The following CELF4 variants were observed in gnomAD, a reference collection of about 807,000 sequenced individuals.
CELF4 encodes the protein CUGBP Elav-like family member 4, also known as CUG-BP- and ETR-3-like factor 4.
A neutral mutation model predicts 59.9 loss-of-function variants in CELF4; 18 were observed. That is an observed-to-expected ratio of 0.30 (90% CI 0.21 to 0.45). The LOEUF (loss-of-function observed/expected upper bound fraction) is 0.45. CELF4 is among the 20% of genes least tolerant of loss of function. The pLI is 1.00. For missense variants in CELF4, 456 were observed against 689.0 expected, an observed-to-expected ratio of 0.66 and a Z score of 3.79; for synonymous variants, 261 against 267.1, an observed-to-expected ratio of 0.98 and a Z score of 0.22.
At chr18:37,468,442 G>T (rs2099813909) in intron 2 of CELF4, among the ~76,000 whole-genome samples, 1 of 152,102 alleles carries the variant, frequency 6.6e-6, no homozygotes, top group Admixed American at 6.5e-5. Context: ...AGGCTCTCAG[G>T]ACATCTGTGT....
At chr18:37,293,392 C>A (rs1278269472) in intron 3 of CELF4, among the ~76,000 whole-genome samples, 1 of 152,194 alleles carries the variant, frequency 6.6e-6, no homozygotes, top group East Asian at 1.9e-4. Flanking sequence ...GTCTCTGATT[C>A]TATCCCTACG....
chr18:37,424,673 G>A (rs890205120), intron 2 of CELF4, among the ~76,000 whole-genome samples: 2 of 152,134 alleles, frequency 1.3e-5, no homozygotes, highest in Non-Finnish European at 2.9e-5. Context: ...ATCAGAGGCC[G>A]AGGGAGCACC....
intron 3 of CELF4, among the ~76,000 whole-genome samples, chr18:37,287,752 A>T (rs2094940559): frequency 6.6e-6 from 1 of 152,222 alleles, no homozygotes; most frequent in South Asian, 2.1e-4. Context: ...ATGACTGATA[A>T]TGGACTGCAG....
At chr18:37,328,245 C>G (rs654976) in intron 2 of CELF4, among the ~76,000 whole-genome samples, 102,831 of 151,950 alleles carry the variant, frequency 0.68, 35,085 homozygotes, top group African/African-American at 0.75. Flanking sequence ...GGGGGATTCG[C>G]ATTGAACGAG....
intron 1 of CELF4, 58 bp from the exon 2 acceptor site, chr18:37,485,665 G>T: frequency 8.6e-7 from 1 of 1,159,446 alleles, no homozygotes; most frequent in Non-Finnish European, 1.1e-6. Context: ...GCCCGCCGAC[G>T]CGCCCTGCCG....
chr18:37,358,319 T>C lies in CELF4; in HGVS notation c.370-36438A>G, dbSNP rs115916259. On this transcript the variant is annotated intron_variant, in intron 2 of 12. Transcript: ENST00000420428. Reference sequence around the variant, plus strand: ...AAACGGGAGTTTTTCTGCACAGCTCTCTCTTTGCCTGCTGCCATCCGCAAA... The same window carrying C: ...AAACGGGAGTTTTTCTGCACAGCTCCCTCTTTGCCTGCTGCCATCCGCAAA... 3.5e-3 allele frequency among the ~76,000 whole-genome samples: 531 copies of C among 152,310 alleles called. 2 individuals carry two copies. Among genetic ancestry groups the C allele is most frequent in the African/African-American group, 0.012 (498 of 41,566 alleles).
rs117755044 is a variant in CELF4, at chr18:37,377,582, C to T, written c.370-55701G>A. ...AGAAATGAGAGGGAAGCTGGGAACA[C>T]GGTGATGAGAGAACATGGAGAACAT... On this transcript the variant is annotated intron_variant, in intron 2 of 12. Transcript: ENST00000420428. Among the ~76,000 whole-genome samples the T allele has an allele frequency of 2.8e-4, 43 of 152,264 alleles. 1 individual carries two copies. In the East Asian group the frequency reaches 7.9e-3, roughly 28 times the overall value.
chr18:37,479,418 C>T (rs112709304), intron 2 of CELF4, among the ~76,000 whole-genome samples: 221 of 152,314 alleles, frequency 1.5e-3, no homozygotes, highest in African/African-American at 5.0e-3. Flanking sequence ...TGCTGTGGGA[C>T]TGTCCTGTAC....
chr18:37,249,160 C>T (rs912064124), intron 12 of CELF4, among the ~76,000 whole-genome samples: 21 of 152,240 alleles, frequency 1.4e-4, no homozygotes, highest in African/African-American at 4.1e-4. Context: ...GATCAGGGAC[C>T]GTCCCATGCC....
At chr18:37,328,202 G>A (rs1326873922) in intron 2 of CELF4, among the ~76,000 whole-genome samples, 1 of 152,240 alleles carries the variant, frequency 6.6e-6, no homozygotes, top group South Asian at 2.1e-4. Context: ...TGACATCACA[G>A]ACATCCTAAA....
chr18:37,415,966 C>T (rs772946226), intron 2 of CELF4, among the ~76,000 whole-genome samples: 23 of 152,146 alleles, frequency 1.5e-4, no homozygotes, highest in Non-Finnish European at 7.3e-5. Context: ...AATGTTGGGC[C>T]CAGGGTGGGG....
At chr18:37,540,063 T>C (rs1477864724) in intron 1 of CELF4, among the ~76,000 whole-genome samples, 1 of 152,236 alleles carries the variant, frequency 6.6e-6, no homozygotes, top group Admixed American at 6.5e-5. Context: ...CATTATTCTT[T>C]ACCAGGGCAG....
chr18:37,247,559 A>G lies in CELF4; in HGVS notation c.*45-2362T>C, dbSNP rs1005158074. 2.6e-5 allele frequency: 4 copies of G among 152,268 alleles called. No homozygotes were observed. The South Asian group carries it at 6.2e-4, about 24-fold the overall frequency. The allele number at this position is 152,268 out of a possible 1,614,324, so 9.4% of individuals were successfully genotyped here. On this transcript the variant is annotated intron_variant, in intron 12 of 12. Coordinates refer to ENST00000420428, the MANE Select transcript of CELF4 (RefSeq NM_020180.4). ...CTGATGAGAGAACAGCAGTCAAATC[A>G]TAAGAGAACTGAAAAGAACTCAAAG...
chr18:37,459,240 C>T (rs1417383090), intron 2 of CELF4, among the ~76,000 whole-genome samples: 5 of 152,050 alleles, frequency 3.3e-5, no homozygotes, highest in Non-Finnish European at 1.5e-5. Flanking sequence ...AGTTCATGCT[C>T]CACATCATTC....
intron 1 of CELF4, among the ~76,000 whole-genome samples, chr18:37,558,612 A>G (rs2099985608): frequency 6.6e-6 from 1 of 151,134 alleles, no homozygotes; most frequent in South Asian, 2.1e-4. Flanking sequence ...GTAGGACTGG[A>G]TGCTTTCTGC....
At chr18:37,493,170 G>C (rs2154603551) in intron 1 of CELF4, among the ~76,000 whole-genome samples, 2 of 152,268 alleles carry the variant, frequency 1.3e-5, no homozygotes, top group Middle Eastern at 6.8e-3. Flanking sequence ...CCCCCATGGG[G>C]TAAACCCAAG....
chr18:37,349,166 C>T (rs551188475), intron 2 of CELF4, among the ~76,000 whole-genome samples: 91 of 152,204 alleles, frequency 6.0e-4, no homozygotes, highest in Non-Finnish European at 1.1e-3. Context: ...AAACAGTGTT[C>T]GGAAACTCAG....
At chr18:37,375,757 C>T (rs1454369461) in intron 2 of CELF4, among the ~76,000 whole-genome samples, 1 of 152,128 alleles carries the variant, frequency 6.6e-6, no homozygotes, top group Non-Finnish European at 1.5e-5. Flanking sequence ...TGGGATGCAG[C>T]CGGCCTACAG....
intron 2 of CELF4, among the ~76,000 whole-genome samples, chr18:37,351,617 T>C (rs776721664): frequency 0.07 from 10,541 of 149,984 alleles, 514 homozygotes; most frequent in Non-Finnish European, 0.11. Context: ...TCTTCTTTTT[T>C]TTTTTTTTTT....
Sources: gnomAD v4.1 joint callset for allele counts (sites outside exome capture counted in the v4.1 genomes callset) on GRCh38, gnomAD v4.1.1 for gene constraint, MANE v1.5 for transcripts, NCBI Gene and HGNC (gene_info 2026-07-23, HGNC 2026-07-21) for gene names.